Variants in NAPB observed in about 807,000 individuals in gnomAD.
NAPB encodes the protein NSF attachment protein beta, also known as beta-soluble NSF attachment protein.
A neutral mutation model predicts 44.7 loss-of-function variants in NAPB; 26 were observed. The observed-to-expected ratio is 0.58, with a 90% CI of 0.43 to 0.81. The LOEUF is 0.81. Among genes scored for constraint, NAPB ranks in the 30% least tolerant of loss-of-function variants. The probability of loss-of-function intolerance (pLI) is 0.00; values close to 1 mark genes in which losing one functional copy is unlikely to be tolerated. For synonymous variants in NAPB, 120 were observed against 116.8 expected (o/e 1.03, Z -0.18); for missense variants, 315 against 356.4 (o/e 0.88, Z 0.94).
chr20:23,380,528 C>CTT (rs11387171), intron 8 of NAPB: 11,183 of 145,844 alleles, frequency 0.077, 664 homozygotes, highest in East Asian at 0.3. Flanking sequence ...TAATTTCTTT[C>CTT]TTTTTTTTTT....
chr20:23,400,588 C>A (rs1984762717), intron 2 of NAPB, among the ~76,000 whole-genome samples: 1 of 152,152 alleles, frequency 6.6e-6, no homozygotes. Context: ...TGGGAAGCCA[C>A]ACAACTTAGG....
intron 2 of NAPB, among the ~76,000 whole-genome samples, chr20:23,402,263 C>T (rs1303614236): frequency 6.6e-6 from 1 of 152,148 alleles, no homozygotes; most frequent in African/African-American, 2.4e-5. Flanking sequence ...ACACCCACGT[C>T]CCCTGCTCTG....
intron 1 of NAPB, among the ~76,000 whole-genome samples, chr20:23,412,851 C>G (rs1256362379): frequency 1.3e-5 from 2 of 152,122 alleles, no homozygotes; most frequent in African/African-American, 2.4e-5. Context: ...CAAAAATTAG[C>G]CAGGTGTGGT....
chr20:23,399,945 C>CT (rs1164645147), intron 2 of NAPB, among the ~76,000 whole-genome samples: 13 of 152,172 alleles, frequency 8.5e-5, no homozygotes, highest in South Asian at 2.1e-4. Flanking sequence ...GAAATGCCAT[C>CT]TTTTTTTTAC....
chr20:23,417,247 C>T (rs1463597256), intron 1 of NAPB, among the ~76,000 whole-genome samples: 2 of 152,246 alleles, frequency 1.3e-5, no homozygotes, highest in East Asian at 3.9e-4. Flanking sequence ...CCACGCCAGG[C>T]TAATTTTTGT....
At chr20:23,385,308 C>T (rs2123149711) in intron 7 of NAPB, among the ~76,000 whole-genome samples, 2 of 152,180 alleles carry the variant, frequency 1.3e-5, no homozygotes, top group South Asian at 4.1e-4. Context: ...CAGAGAAGGA[C>T]ATTATGTAAT....
chr20:23,421,469 C>T lies in NAPB; in HGVS notation c.-67G>A, dbSNP rs963571666. The T allele has an allele frequency of 8.5e-6, 12 of 1,408,220 alleles. No homozygotes were observed. The African/African-American group carries it at 1.3e-4, about 16-fold the overall frequency. 87.2% of individuals were successfully genotyped at this position (1,408,220 alleles called of 1,614,324 possible). ...TGTGCGCCCAGGCGCCTTAACCCTC[C>T]CTCTGGCGGCCGCAGGGACGCAGGC... On this transcript the variant is annotated 5_prime_UTR_variant, in exon 1 of 11. Coordinates refer to ENST00000377026, the MANE Select transcript of NAPB (RefSeq NM_022080.3).
At chr20:23,378,826 C>CTTTTTTTTTTTTTTTTTTTT (rs202043703) in intron 10 of NAPB, 2 of 95,694 alleles carry the variant, frequency 2.1e-5, no homozygotes, top group African/African-American at 7.2e-5. Context: ...TTTTTTTTTT[C>CTTTTTTTTTTTTTTTTTTTT]TTTTTTTTTT....
intron 1 of NAPB, among the ~76,000 whole-genome samples, chr20:23,419,343 GT>G (rs1568626487): frequency 6.6e-6 from 1 of 152,200 alleles, no homozygotes; most frequent in Non-Finnish European, 1.5e-5. Context: ...AATAACATAG[GT>G]AGCAACATTT....
At chr20:23,387,255 C>CA (rs1983598660) in intron 7 of NAPB, among the ~76,000 whole-genome samples, 1 of 151,862 alleles carries the variant, frequency 6.6e-6, no homozygotes. Flanking sequence ...AAGCATTTAC[C>CA]AAAACCCCAC....
At chr20:23,413,524 A>G (rs920057542) in intron 1 of NAPB, among the ~76,000 whole-genome samples, 6 of 152,202 alleles carry the variant, frequency 3.9e-5, no homozygotes, top group Non-Finnish European at 2.9e-5. Context: ...TAAAAGTATA[A>G]GTCAGTAAGA....
chr20:23,388,491 CACTT>C (rs1983697635), intron 7 of NAPB, among the ~76,000 whole-genome samples: 1 of 152,204 alleles, frequency 6.6e-6, no homozygotes, highest in Non-Finnish European at 1.5e-5. Context: ...GGAGGACTCA[CACTT>C]ACTGACTTCA....
At chr20:23,401,217 C>T (rs920218182) in intron 2 of NAPB, among the ~76,000 whole-genome samples, 3 of 152,144 alleles carry the variant, frequency 2.0e-5, no homozygotes, top group Non-Finnish European at 2.9e-5. Flanking sequence ...ACTACAGAGA[C>T]GTCAGCTCTT....
chr20:23,413,722 GATAAA>G (rs775530511), intron 1 of NAPB, among the ~76,000 whole-genome samples: 2 of 151,974 alleles, frequency 1.3e-5, no homozygotes, highest in Non-Finnish European at 2.9e-5. Flanking sequence ...TTAAAACTTA[GATAAA>G]ATGAATTATT....
Position 23,375,278 on chromosome 20 carries a change from AT to A in NAPB, c.*2097del, listed in dbSNP as rs1242213084. The A allele has an allele frequency of 1.3e-5, 2 of 152,208 alleles. No individual in the cohort carries two copies. The highest frequency in any genetic ancestry group is 4.8e-5 in the African/African-American group (2 of 41,444). 9.4% of individuals were successfully genotyped at this position (152,208 alleles called of 1,614,324 possible). ...ATTGACACAACAAAATGTTACAAACATTATTGTTAAAAAAAAATACCCCTTC... is the reference window on the plus strand; with the variant it reads ...ATTGACACAACAAAATGTTACAAACATATTGTTAAAAAAAAATACCCCTTC... On this transcript the variant is annotated 3_prime_UTR_variant, in exon 11 of 11. Transcript: ENST00000377026.
intron 9 of NAPB, 142 bp from the exon 10 acceptor site, chr20:23,379,637 AG>A (rs1294252422): frequency 1.4e-6 from 1 of 701,572 alleles, no homozygotes; most frequent in East Asian, 2.7e-5. Flanking sequence ...GAGCCAAGTT[AG>A]GGATCTAGCT....
intron 3 of NAPB, among the ~76,000 whole-genome samples, chr20:23,395,930 G>C (rs1235578326): frequency 6.6e-6 from 1 of 152,142 alleles, no homozygotes; most frequent in East Asian, 1.9e-4. Context: ...TACAAAATTA[G>C]AAAGGTAAGC....
At chr20:23,407,879 GAAT>G (rs1248372201) in intron 1 of NAPB, among the ~76,000 whole-genome samples, 5 of 152,126 alleles carry the variant, frequency 3.3e-5, no homozygotes, top group Non-Finnish European at 5.9e-5. Flanking sequence ...CCCCCATCCT[GAAT>G]AATAACTATT....
intron 3 of NAPB, 113 bp from the exon 4 acceptor site, chr20:23,395,298 G>C: frequency 9.1e-7 from 1 of 1,095,664 alleles, no homozygotes; most frequent in Non-Finnish European, 1.3e-6. Context: ...TAATTTTGGA[G>C]TGGAGGGTGG....
Sources: allele counts gnomAD v4.1 joint callset (sites outside exome capture counted in the v4.1 genomes callset), GRCh38; gene constraint gnomAD v4.1.1; transcripts MANE v1.5; gene names NCBI Gene and HGNC (gene_info 2026-07-23, HGNC 2026-07-21).